Variants in QSER1 observed in about 807,000 individuals in gnomAD.
The protein encoded by QSER1 is glutamine and serine-rich protein 1.
Under a neutral mutation model 158.5 loss-of-function variants are expected in QSER1, and 49 were observed. That is an observed-to-expected ratio of 0.31 (90% CI 0.25 to 0.39). The LOEUF (loss-of-function observed/expected upper bound fraction) is 0.39. Among genes scored for constraint, QSER1 ranks in the 10% least tolerant of loss-of-function variants. The pLI is 1.00. For missense variants in QSER1, 1,754 were observed against 2,010.3 expected, an observed-to-expected ratio of 0.87 and a Z score of 2.44; for synonymous variants, 650 against 715.5, an observed-to-expected ratio of 0.91 and a Z score of 1.46.
chr11:32,950,355 A>G (rs1477008195), intron 4 of QSER1, among the ~76,000 whole-genome samples: 1 of 152,044 alleles, frequency 6.6e-6, no homozygotes, highest in Non-Finnish European at 1.5e-5. Context: ...AGGCCTCCCA[A>G]AGTGCTGGGA....
At chr11:32,966,053 A>G in intron 8 of QSER1, among the ~76,000 whole-genome samples, 1 of 151,700 alleles carries the variant, frequency 6.6e-6, no homozygotes, top group Non-Finnish European at 1.5e-5. Flanking sequence ...GACCACCACC[A>G]CTACCAAAGA....
rs759281850 is a variant in QSER1 at position 32,934,539 on chromosome 11, C to A, written c.3281C>A (p.Pro1094Gln). The A allele has an allele frequency of 1.2e-6, 2 of 1,613,408 alleles. No homozygotes were observed. The change falls in exon 4 of 13, where the codon CCA (proline) becomes CAA (glutamine). Residue 1094 changes from proline to glutamine, a missense_variant. Pro to Gln is a moderately conservative substitution (Grantham distance 76). This residue lies in a region of QSER1 where 1,707 missense variants were observed against 1,919.6 expected (regional missense o/e 0.89). Transcript: ENST00000650167. ...AAAGTAACTTCAGCAGTGGTTGGAC[C>A]AAGTCATGAAGTCCAGGAGCAAAGT... ...PTKVTSAVVG[P>Q]SHEVQEQSSG...
Position 32,933,575 on chromosome 11 carries a change from C to G in QSER1, c.2317C>G (p.Gln773Glu). 3 of 1,613,882 alleles carry G rather than the reference C, an allele frequency of 1.9e-6. 1 individual carries two copies. In the South Asian group the frequency reaches 3.3e-5, roughly 18 times the overall value. The change falls in exon 4 of 13, where the codon CAA becomes GAA. Residue 773 changes from glutamine (Q) to glutamate (E), a missense_variant. Physicochemically the swap from Gln to Glu is conservative, Grantham distance 29 (BLOSUM62 2). Coordinates refer to ENST00000650167, the MANE Select transcript of QSER1 (RefSeq NM_001076786.3). ...TGTTGGTTCAGTGACACAACTTAACCAACAAATTGGCCAAGTCAATAATGC... is the reference window on the plus strand; with the variant it reads ...TGTTGGTTCAGTGACACAACTTAACGAACAAATTGGCCAAGTCAATAATGC... ...SVVGSVTQLN[Q>E]QIGQVNNAAT... is the part of the protein sequence containing the mutation.
chr11:32,932,502 A>T lies in QSER1; in HGVS notation c.1244A>T (p.Glu415Val), dbSNP rs748127802. Reference sequence around the variant, plus strand: ...ACAAAAATAAAAAGCTGTTCTACAGAACAACCACTGACATCAACCAAGACC... The same window carrying T: ...ACAAAAATAAAAAGCTGTTCTACAGTACAACCACTGACATCAACCAAGACC... ...STTKIKSCST[E>V]QPLTSTKTPK... Residue 415 changes from glutamate (E) to valine (V), a missense_variant, in exon 4 of 13, where the codon GAA becomes GTA. Around this residue, in one of 2 missense-constraint regions of QSER1, gnomAD observed 1,707 missense variants for 1,919.6 expected, o/e 0.89. Transcript: ENST00000650167. 1 of 1,614,130 alleles carries T rather than the reference A, an allele frequency of 6.2e-7. No individual in the cohort carries two copies. Among genetic ancestry groups the T allele is most frequent in the Non-Finnish European group, 8.5e-7 (1 of 1,180,020 alleles).
chr11:32,943,525 C>T (rs1384037537), intron 4 of QSER1, among the ~76,000 whole-genome samples: 1 of 149,968 alleles, frequency 6.7e-6, no homozygotes, highest in Non-Finnish European at 1.5e-5. Flanking sequence ...TGTTTATATG[C>T]TGGATTACAT....
chr11:32,973,277 A>G (rs2133614386), intron 10 of QSER1, 120 bp from the exon 11 acceptor site: 1 of 1,020,188 alleles, frequency 9.8e-7, no homozygotes, highest in East Asian at 2.4e-5. Flanking sequence ...GTTTGTGTGC[A>G]CACACACCTC....
intron 1 of QSER1, among the ~76,000 whole-genome samples, chr11:32,897,452 T>A (rs900720880): frequency 3.9e-5 from 6 of 152,238 alleles, no homozygotes; most frequent in Admixed American, 3.9e-4. Flanking sequence ...TTTGTCACCG[T>A]TGACCATTAC....
At position 32,978,113 on chromosome 11, in the gene QSER1, T is replaced by C. The variant is rs936669104; in HGVS notation, c.*1639T>C. On this transcript the variant is annotated 3_prime_UTR_variant, in exon 13 of 13. Coordinates refer to ENST00000650167, the MANE Select transcript of QSER1 (RefSeq NM_001076786.3). The stretch of plus-strand genomic sequence containing the variant: ...GTTATCTTATTAAAAGCAATAATCC[T>C]TAATACTGTACTTGCCATTAGACTA... 6.6e-6 allele frequency: 1 copy of C among 152,658 alleles called. No homozygotes were observed. Among genetic ancestry groups the C allele is most frequent in the Non-Finnish European group, 1.5e-5 (1 of 68,022 alleles). The allele number at this position is 152,658 out of a possible 1,614,324, so 9.5% of individuals were successfully genotyped here.
intron 1 of QSER1, among the ~76,000 whole-genome samples, chr11:32,921,865 T>C (rs1025752795): frequency 6.6e-6 from 1 of 152,212 alleles, no homozygotes. Flanking sequence ...AACACAGTTG[T>C]ATAAAAATAT....
rs1853031173 is a variant in QSER1, at chr11:32,979,208, T to C, written c.*2734T>C. On this transcript the variant is annotated 3_prime_UTR_variant, in exon 13 of 13. Transcript: ENST00000650167. ...AATACCTAGCTGGTTAGCATTTACA[T>C]TCCTTGCCAGGGAGTTTGAAATTTA... 1 of 152,678 alleles carries C rather than the reference T, an allele frequency of 6.5e-6. No homozygotes were observed. Among genetic ancestry groups the C allele is most frequent in the Non-Finnish European group, 1.5e-5 (1 of 68,038 alleles). The allele number at this position is 152,678 out of a possible 1,614,324, so 9.5% of individuals were successfully genotyped here.
chr11:32,948,778 CAT>C (rs1481366482), intron 4 of QSER1, among the ~76,000 whole-genome samples: 4 of 151,964 alleles, frequency 2.6e-5, no homozygotes, highest in Admixed American at 2.0e-4. Context: ...AATTTTCAAA[CAT>C]ATACAAAAGT....
rs1852137832 is a variant in QSER1, at chr11:32,935,422, A to G, written c.4164A>G (p.Lys1388=). The G allele has an allele frequency of 6.6e-7, 1 of 1,509,484 alleles. No individual in the cohort carries two copies. The highest frequency in any genetic ancestry group is 2.3e-5 in the Admixed American group (1 of 42,780). The allele number at this position is 1,509,484 out of a possible 1,614,324, so 93.5% of individuals were successfully genotyped here. A position where few individuals can be genotyped will look rare whatever the true frequency, so the allele number is the denominator to read the frequency against. ...CTACTTTGGATGCTACTTCTGATAAAAAGAAGAAAACAGGTAAAGTTTTAC... is the reference window on the plus strand; with the variant it reads ...CTACTTTGGATGCTACTTCTGATAAGAAGAAGAAAACAGGTAAAGTTTTAC... ...PLTTLDATSD[K]KKKTEALQVA... is the part of the protein sequence containing the mutation. The change falls in exon 4 of 13, where the codon AAA becomes AAG. Residue 1388 remains lysine (K), a synonymous_variant. Transcript: ENST00000650167.
intron 1 of QSER1, among the ~76,000 whole-genome samples, chr11:32,903,578 G>C (rs115335958): frequency 9.8e-4 from 148 of 151,378 alleles, no homozygotes; most frequent in African/African-American, 3.5e-3. Flanking sequence ...GGGAAACAGG[G>C]TGCTTCAGTA....
chr11:32,917,283 C>T (rs1851844954), intron 1 of QSER1, among the ~76,000 whole-genome samples: 1 of 152,004 alleles, frequency 6.6e-6, no homozygotes, highest in East Asian at 1.9e-4. Flanking sequence ...GGATTGTTTC[C>T]ACCTTTTGAC....
chr11:32,913,828 TTGTC>T (rs1305866811), intron 1 of QSER1, among the ~76,000 whole-genome samples: 6 of 152,222 alleles, frequency 3.9e-5, no homozygotes, highest in African/African-American at 9.6e-5. Flanking sequence ...GTCTAACTAA[TTGTC>T]TGTGTGGCTA....
intron 8 of QSER1, among the ~76,000 whole-genome samples, chr11:32,959,184 C>T (rs1036393490): frequency 1.8e-4 from 28 of 152,176 alleles, no homozygotes; most frequent in Non-Finnish European, 1.5e-4. Flanking sequence ...TTTATTGGAA[C>T]ACAGCCGCAT....
intron 1 of QSER1, among the ~76,000 whole-genome samples, chr11:32,917,206 G>A (rs1851844403): frequency 6.6e-6 from 1 of 152,196 alleles, no homozygotes; most frequent in East Asian, 1.9e-4. Context: ...CTCTTCGTGG[G>A]TGAATAGTAT....
At chr11:32,956,793 T>C (rs926947575) in intron 7 of QSER1, among the ~76,000 whole-genome samples, 68 of 152,320 alleles carry the variant, frequency 4.5e-4, no homozygotes, top group African/African-American at 1.6e-3. Flanking sequence ...CTTTTTTATT[T>C]GAGACAGGGT....
intron 1 of QSER1, among the ~76,000 whole-genome samples, chr11:32,904,472 G>A (rs1851665874): frequency 1.3e-5 from 2 of 152,274 alleles, no homozygotes; most frequent in South Asian, 4.1e-4. Flanking sequence ...TTACAGGTGT[G>A]AGCCACTGCG....
Sources: allele counts gnomAD v4.1 joint callset (sites outside exome capture counted in the v4.1 genomes callset), GRCh38; gene constraint gnomAD v4.1.1; regional missense constraint gnomAD v4.1.1; transcripts MANE v1.5; gene names NCBI Gene and HGNC (gene_info 2026-07-23, HGNC 2026-07-21).